Variants in AHR observed in about 807,000 individuals in gnomAD.
AHR encodes aryl hydrocarbon receptor.
A neutral mutation model predicts 86.8 loss-of-function variants in AHR; 40 were observed. The observed-to-expected ratio is 0.46, with a 90% CI of 0.36 to 0.60. The LOEUF (loss-of-function observed/expected upper bound fraction) is 0.60. AHR is among the 20% of genes least tolerant of loss of function. The pLI is 0.00. For synonymous variants in AHR, 398 were observed against 354.9 expected (o/e 1.12, Z -1.37); for missense variants, 1,001 against 1,011.6 (o/e 0.99, Z 0.14).
intron 1 of AHR, among the ~76,000 whole-genome samples, chr7:17,309,284 G>T (rs1007603039): frequency 6.6e-6 from 1 of 152,104 alleles, no homozygotes; most frequent in African/African-American, 2.4e-5. Context: ...AAAAGTTGCT[G>T]GTAATCACCA....
chr7:17,303,236 A>T (rs546026596), intron 1 of AHR, among the ~76,000 whole-genome samples: 1 of 152,184 alleles, frequency 6.6e-6, no homozygotes, highest in African/African-American at 2.4e-5. Context: ...AGGTAGTATT[A>T]TTTAAGTTTA....
chr7:17,340,000 A>G lies in AHR; in HGVS notation c.2175A>G (p.Glu725=). The change falls in exon 10 of 11, where the codon GAA becomes GAG. Residue 725 remains glutamate, a synonymous_variant. Coordinates refer to ENST00000242057, the MANE Select transcript of AHR (RefSeq NM_001621.5). ...TGGACTACCCTATGGGGAGTTTTGA[A>G]CCATCCCCATACCCCACTACTTCTA... ...TELDYPMGSF[E]PSPYPTTSSL... The G allele has an allele frequency of 6.2e-7, 1 of 1,614,234 alleles. No homozygotes were observed. The highest frequency in any genetic ancestry group is 8.5e-7 in the Non-Finnish European group (1 of 1,180,044).
chr7:17,324,528 T>C (rs904616753), intron 3 of AHR, among the ~76,000 whole-genome samples: 4 of 152,250 alleles, frequency 2.6e-5, no homozygotes, highest in Admixed American at 2.0e-4. Flanking sequence ...AAAGGCCAGG[T>C]GCGGTGGCTC....
intron 8 of AHR, 125 bp downstream of exon 8, chr7:17,335,121 T>C (rs1782341095): frequency 1.7e-6 from 1 of 584,848 alleles, no homozygotes; most frequent in South Asian, 2.7e-5. Context: ...CTTAGTAACA[T>C]ATCATTATGA....
chr7:17,303,098 C>T (rs1781970720), intron 1 of AHR, among the ~76,000 whole-genome samples: 1 of 151,966 alleles, frequency 6.6e-6, no homozygotes, highest in African/African-American at 2.4e-5. Context: ...TTTTATGCTT[C>T]TTTTAAAATT....
chr7:17,334,480 T>C (rs1782334228), intron 7 of AHR, among the ~76,000 whole-genome samples: 1 of 151,994 alleles, frequency 6.6e-6, no homozygotes, highest in Admixed American at 6.6e-5. Context: ...TATTAAACAT[T>C]TATATCATAT....
intron 10 of AHR, among the ~76,000 whole-genome samples, chr7:17,342,539 C>G (rs530676418): frequency 1.2e-4 from 18 of 152,132 alleles, no homozygotes; most frequent in African/African-American, 3.9e-4. Flanking sequence ...TCATTGATAC[C>G]TATAACTTCA....
intron 10 of AHR, among the ~76,000 whole-genome samples, chr7:17,341,610 G>T (rs1584044576): frequency 3.3e-5 from 5 of 152,094 alleles, no homozygotes; most frequent in Admixed American, 1.3e-4. Context: ...AATGTGGCTA[G>T]TCCAAATTGA....
chr7:17,334,875 T>G lies in AHR; in HGVS notation c.909-12T>G, dbSNP rs1323948926. 6.4e-7 allele frequency: 1 copy of G among 1,571,324 alleles called. No homozygotes were observed. Among genetic ancestry groups the G allele is most frequent in the African/African-American group, 1.4e-5 (1 of 73,506 alleles). ...AATCCATTCTTATTTTACCTTTTTTTATTTTAAACAGAGGAAGAATTGTTT... is the reference window on the plus strand; with the variant it reads ...AATCCATTCTTATTTTACCTTTTTTGATTTTAAACAGAGGAAGAATTGTTT... On this transcript the variant is annotated splice_polypyrimidine_tract_variant and intron_variant, in intron 7 of 10. Transcript: ENST00000242057.
chr7:17,317,928 A>G (rs1454100621), intron 2 of AHR, among the ~76,000 whole-genome samples: 3 of 151,890 alleles, frequency 2.0e-5, no homozygotes, highest in Admixed American at 1.3e-4. Context: ...TCATATAGTT[A>G]TAGAGGAATT....
chr7:17,309,058 A>G lies in AHR; in HGVS notation c.66-878A>G, dbSNP rs527476303. ...ATCTGATGATTTTTAAATTCACTTT[A>G]AGTGATTAATGTCTGCTGTGAAATC... On this transcript the variant is annotated intron_variant, in intron 1 of 10. Coordinates refer to ENST00000242057, the MANE Select transcript of AHR (RefSeq NM_001621.5). Among the ~76,000 whole-genome samples the G allele has an allele frequency of 2.0e-3, 301 of 152,294 alleles. 2 individuals are homozygous for G. The highest frequency in any genetic ancestry group is 3.3e-3 in the Non-Finnish European group (222 of 68,008).
rs1244584994 is a variant in AHR, at chr7:17,299,112, G to T, written c.-153G>T. The T allele has an allele frequency of 1.3e-6, 1 of 759,188 alleles. No individual in the cohort carries two copies. Among genetic ancestry groups the T allele is most frequent in the East Asian group, 3.3e-5 (1 of 30,456 alleles). 47.0% of individuals were successfully genotyped at this position (759,188 alleles called of 1,614,324 possible). On this transcript the variant is annotated 5_prime_UTR_variant, in exon 1 of 11. Coordinates refer to ENST00000242057, the MANE Select transcript of AHR (RefSeq NM_001621.5). ...GCGTGAGCCGAGGCGTTGAGGCGCG[G>T]CGCCCACGCCACTGTCCCGAGAGGA...
In AHR at chr7:17,339,877, G is replaced by C; in HGVS notation, c.2052G>C (p.Glu684Asp). ...CAGACTTACATGGGATCAGTCAAGA[G>C]TTCCCCTACAAATCTGAAATGGATT... The part of the protein sequence containing the change: ...VFTDLHGISQ[E>D]FPYKSEMDSM... Residue 684 changes from glutamate (E) to aspartate (D), a missense_variant, in exon 10 of 11, where the codon GAG (glutamate) becomes GAC (aspartate). By Grantham distance (45) the Glu-to-Asp change is conservative. Transcript: ENST00000242057. 1 of 1,614,158 alleles carries C rather than the reference G, an allele frequency of 6.2e-7. No homozygotes were observed. The highest frequency in any genetic ancestry group is 1.1e-5 in the South Asian group (1 of 91,074).
At chr7:17,319,029 A>G (rs1782143721) in intron 2 of AHR, among the ~76,000 whole-genome samples, 1 of 152,118 alleles carries the variant, frequency 6.6e-6, no homozygotes, top group Admixed American at 6.6e-5. Flanking sequence ...GTGGACTTGC[A>G]TAGTTCAAAC....
At position 17,343,270 on chromosome 7, in the gene AHR, A is replaced by C. The variant is rs1437446645; in HGVS notation, c.*206A>C. 2 of 595,012 alleles carry C rather than the reference A, an allele frequency of 3.4e-6. No individual in the cohort carries two copies. The highest frequency in any genetic ancestry group is 5.8e-6 in the Non-Finnish European group (2 of 346,728). 36.9% of individuals were successfully genotyped at this position (595,012 alleles called of 1,614,324 possible). ...TATCAAAATTACATATACTACAGTC[A>C]AGATAGAAAGGGTGCTGCCACGGAG... On this transcript the variant is annotated 3_prime_UTR_variant, in exon 11 of 11. Coordinates refer to ENST00000242057, the MANE Select transcript of AHR (RefSeq NM_001621.5).
chr7:17,310,238 C>A, intron 2 of AHR, 115 bp downstream of exon 2: 1 of 1,023,156 alleles, frequency 9.8e-7, no homozygotes, highest in Non-Finnish European at 1.4e-6. Context: ...AAATTTATTG[C>A]TGTATAGTAA....
chr7:17,313,027 T>C (rs919910692), intron 2 of AHR, among the ~76,000 whole-genome samples: 6 of 152,228 alleles, frequency 3.9e-5, no homozygotes, highest in African/African-American at 1.4e-4. Context: ...AAGAAGTCTA[T>C]GAATATTTTT....
chr7:17,312,240 T>A (rs1458989586), intron 2 of AHR, among the ~76,000 whole-genome samples: 1 of 152,186 alleles, frequency 6.6e-6, no homozygotes, highest in African/African-American at 2.4e-5. Context: ...CCTTAGAGAT[T>A]CTGGAGTCTA....
At position 17,342,907 on chromosome 7, in the gene AHR, A is replaced by G. The variant is rs764044207; in HGVS notation, c.2404-14A>G. 6.2e-6 allele frequency: 10 copies of G among 1,610,208 alleles called. No homozygotes were observed. The highest frequency in any genetic ancestry group is 1.1e-5 in the South Asian group (1 of 90,340). On this transcript the variant is annotated splice_polypyrimidine_tract_variant and intron_variant, in intron 10 of 10. Coordinates refer to ENST00000242057, the MANE Select transcript of AHR (RefSeq NM_001621.5). ...ATCTATTCCAATAAGTTGCATCACCATTTTTGTTTTCAGTTTCAGAATGGA... is the reference window on the plus strand; with the variant it reads ...ATCTATTCCAATAAGTTGCATCACCGTTTTTGTTTTCAGTTTCAGAATGGA...
Sources: gnomAD v4.1 joint callset for allele counts (sites outside exome capture counted in the v4.1 genomes callset) on GRCh38, gnomAD v4.1.1 for gene constraint, MANE v1.5 for transcripts, NCBI Gene and HGNC (gene_info 2026-07-23, HGNC 2026-07-21) for gene names.